The following DPP10 variants were observed in gnomAD, a reference collection of about 807,000 sequenced individuals.
The protein encoded by DPP10 is dipeptidyl peptidase like 10, also known as inactive dipeptidyl peptidase 10.
DPP10 carries 33 observed loss-of-function variants against 120.9 expected under a neutral mutation model. The ratio of observed to expected loss-of-function variants is 0.27; its 90% CI spans 0.21 to 0.37. The LOEUF (loss-of-function observed/expected upper bound fraction) is 0.37, where lower values mean the gene tolerates loss of function less well. Ranked by LOEUF, DPP10 falls within the 10% of genes least tolerant of loss-of-function variation. The pLI is 1.00. For synonymous variants in DPP10, 337 were observed against 326.1 expected, an observed-to-expected ratio of 1.03 and a Z score of -0.36; for missense variants, 816 against 942.8, an observed-to-expected ratio of 0.87 and a Z score of 1.76.
intron 1 of DPP10, among the ~76,000 whole-genome samples, chr2:115,012,699 G>A (rs1341390094): frequency 2.6e-5 from 4 of 152,166 alleles, no homozygotes; most frequent in African/African-American, 7.2e-5. Flanking sequence ...TTGAATCTTA[G>A]ATCTTCTCTC....
chr2:115,056,603 CTAATT>C (rs1447542956), intron 1 of DPP10, among the ~76,000 whole-genome samples: 2 of 152,120 alleles, frequency 1.3e-5, no homozygotes, highest in African/African-American at 4.8e-5. Context: ...AAGTGATCCT[CTAATT>C]TAAACCCCCA....
intron 1 of DPP10, among the ~76,000 whole-genome samples, chr2:114,849,796 T>A (rs896632611): frequency 6.6e-6 from 1 of 152,214 alleles, no homozygotes; most frequent in Non-Finnish European, 1.5e-5. Context: ...AACATCATTA[T>A]GTGTAATCAC....
chr2:115,377,465 T>TG (rs1198173349), intron 3 of DPP10, among the ~76,000 whole-genome samples: 4 of 152,306 alleles, frequency 2.6e-5, no homozygotes. Flanking sequence ...CTTTGTCAGA[T>TG]GAGTAGATTG....
chr2:115,282,531 T>A (rs2060201514), intron 1 of DPP10, among the ~76,000 whole-genome samples: 2 of 152,132 alleles, frequency 1.3e-5, no homozygotes, highest in African/African-American at 4.8e-5. Context: ...ATGTCTTACC[T>A]ATAGAAACTG....
chr2:115,201,591 A>G lies in DPP10; in HGVS notation c.61-107648A>G, dbSNP rs1490733020. Among the ~76,000 whole-genome samples, 5 of 152,346 alleles carry G rather than the reference A, an allele frequency of 3.3e-5. No individual in the cohort carries two copies. In the East Asian group the frequency reaches 7.7e-4, roughly 24 times the overall value. ...ACTAGGACCTACTAATTGTGTCTAGACATAAACAGAAGAGGAAATGAGTCC... is the reference window on the plus strand; with the variant it reads ...ACTAGGACCTACTAATTGTGTCTAGGCATAAACAGAAGAGGAAATGAGTCC... On this transcript the variant is annotated intron_variant, in intron 1 of 25. Transcript: ENST00000410059.
intron 19 of DPP10, among the ~76,000 whole-genome samples, chr2:115,800,956 T>A (rs554322135): frequency 3.3e-5 from 5 of 152,148 alleles, no homozygotes; most frequent in Admixed American, 1.3e-4. Flanking sequence ...AAGTAGTTTT[T>A]TCCAATTCTG....
At chr2:115,340,519 A>G (rs2063391284) in intron 2 of DPP10, among the ~76,000 whole-genome samples, 1 of 151,936 alleles carries the variant, frequency 6.6e-6, no homozygotes, top group Non-Finnish European at 1.5e-5. Context: ...TTTTAATAAA[A>G]TTTCTATTTG....
chr2:115,162,175 C>T lies in DPP10; in HGVS notation c.61-147064C>T. On this transcript the variant is annotated intron_variant, in intron 1 of 25. Coordinates refer to ENST00000410059, the MANE Select transcript of DPP10 (RefSeq NM_020868.6). Reference sequence around the variant, plus strand: ...GCCCCAGTTCCAGGCTCTCCTGCTTCTCCACGGACTCTGCGGGAAGTTAGA... The same window carrying T: ...GCCCCAGTTCCAGGCTCTCCTGCTTTTCCACGGACTCTGCGGGAAGTTAGA... The T allele has an allele frequency of 1.9e-6, 3 of 1,546,966 alleles. No homozygotes were observed. The South Asian group carries it at 3.6e-5, about 18-fold the overall frequency.
At chr2:114,904,796 G>T (rs1693839956) in intron 1 of DPP10, among the ~76,000 whole-genome samples, 1 of 152,180 alleles carries the variant, frequency 6.6e-6, no homozygotes, top group South Asian at 2.1e-4. Flanking sequence ...TTTAAAAAGA[G>T]AGAGAAATGG....
intron 1 of DPP10, among the ~76,000 whole-genome samples, chr2:114,608,299 C>G (rs867275480): frequency 1.3e-5 from 2 of 152,246 alleles, no homozygotes; most frequent in South Asian, 2.1e-4. Context: ...ATACTTACCA[C>G]TAACCCACCA....
chr2:114,967,647 G>C (rs1699126181), intron 1 of DPP10, among the ~76,000 whole-genome samples: 1 of 152,128 alleles, frequency 6.6e-6, no homozygotes, highest in Admixed American at 6.5e-5. Context: ...ATAGTGAAAG[G>C]CTGGAAGGTT....
intron 1 of DPP10, among the ~76,000 whole-genome samples, chr2:114,476,191 C>A (rs1051888813): frequency 6.6e-6 from 1 of 152,178 alleles, no homozygotes; most frequent in Non-Finnish European, 1.5e-5. Flanking sequence ...TCATGGCTTT[C>A]ATTTTCTAAT....
chr2:114,971,676 G>T (rs777249533), intron 1 of DPP10, among the ~76,000 whole-genome samples: 1 of 152,068 alleles, frequency 6.6e-6, no homozygotes, highest in Non-Finnish European at 1.5e-5. Context: ...ATAAGATTTC[G>T]CAAGAAACAC....
At chr2:115,830,225 G>A (rs1688779204) in intron 21 of DPP10, among the ~76,000 whole-genome samples, 1 of 151,930 alleles carries the variant, frequency 6.6e-6, no homozygotes. Flanking sequence ...GGGTGTGGTG[G>A]CGAGTGTCTG....
intron 5 of DPP10, among the ~76,000 whole-genome samples, chr2:115,688,202 C>T (rs867158106): frequency 1.7e-4 from 26 of 152,232 alleles, no homozygotes; most frequent in Admixed American, 7.2e-4. Context: ...TTTGCTTCTA[C>T]AGCCCTATCA....
chr2:114,683,538 T>TCTTTCCTC (rs1553482757), intron 1 of DPP10, among the ~76,000 whole-genome samples: 1 of 147,682 alleles, frequency 6.8e-6, no homozygotes, highest in East Asian at 2.0e-4. Context: ...CTTCCTTCCT[T>TCTTTCCTC]CCTTCCTCCC....
At chr2:115,028,206 G>C (rs1410723219) in intron 1 of DPP10, among the ~76,000 whole-genome samples, 1 of 151,880 alleles carries the variant, frequency 6.6e-6, no homozygotes, top group Non-Finnish European at 1.5e-5. Flanking sequence ...TTTATCTGAA[G>C]TCTTCACACC....
intron 1 of DPP10, among the ~76,000 whole-genome samples, chr2:115,066,312 C>T (rs908896614): frequency 6.6e-6 from 1 of 151,970 alleles, no homozygotes; most frequent in Non-Finnish European, 1.5e-5. Flanking sequence ...CACACACATG[C>T]CTGCATGTGT....
intron 1 of DPP10, among the ~76,000 whole-genome samples, chr2:114,506,824 TC>T (rs1165652749): frequency 1.3e-5 from 2 of 152,074 alleles, no homozygotes; most frequent in Non-Finnish European, 2.9e-5. Flanking sequence ...ACAGCTCTCC[TC>T]CCCTCCTATG....
Sources: allele counts gnomAD v4.1 joint callset (sites outside exome capture counted in the v4.1 genomes callset), GRCh38; gene constraint gnomAD v4.1.1; transcripts MANE v1.5; gene names NCBI Gene and HGNC (gene_info 2026-07-23, HGNC 2026-07-21).